Variants in MYNN observed in about 807,000 individuals in gnomAD.
MYNN encodes the protein zinc finger and BTB domain-containing protein 31.
A neutral mutation model predicts 57.2 loss-of-function variants in MYNN; 22 were observed. That is an observed-to-expected ratio of 0.38 (90% CI 0.27 to 0.55). The LOEUF is 0.55. MYNN is among the 20% of genes least tolerant of loss of function. The pLI, the probability that MYNN is intolerant of heterozygous loss-of-function variation, is 0.71. For synonymous variants in MYNN, 241 were observed against 257.1 expected (o/e 0.94, Z 0.60); for missense variants, 566 against 723.1 (o/e 0.78, Z 2.49).
chr3:169,784,547 C>A, intron 6 of MYNN, 75 bp from the exon 7 acceptor site: 1 of 973,580 alleles, frequency 1.0e-6, no homozygotes, highest in Non-Finnish European at 1.6e-6. Flanking sequence ...GCCTTGTGTT[C>A]ATAAACATTG....
chr3:169,778,761 C>T lies in MYNN; in HGVS notation c.267-7C>T, dbSNP rs762924111. ...GAATATTGTCATGTAGCCTTGTTTC[C>T]TTGCAGTTGGAATGTTAAAGAAATT... On this transcript the variant is annotated splice_polypyrimidine_tract_variant and splice_region_variant and intron_variant, in intron 2 of 7. Transcript: ENST00000349841. 1 of 1,576,782 alleles carries T rather than the reference C, an allele frequency of 6.3e-7. No individual in the cohort carries two copies. The highest frequency in any genetic ancestry group is 8.6e-7 in the Non-Finnish European group (1 of 1,165,704).
At chr3:169,778,717 G>A (rs771005530) in intron 2 of MYNN, 51 bp from the exon 3 acceptor site, 47 of 1,473,652 alleles carry the variant, frequency 3.2e-5, no homozygotes, top group East Asian at 1.4e-4. Context: ...GCTCTGTTTC[G>A]AAAGTTTTTC....
intron 2 of MYNN, chr3:169,778,202 C>T (rs555088072): frequency 6.5e-6 from 1 of 152,880 alleles, no homozygotes; most frequent in South Asian, 2.1e-4. Flanking sequence ...CAGAAGAATA[C>T]CCCATCTCAA....
At position 169,786,712 on chromosome 3, in the gene MYNN, T is replaced by C. The variant is rs1446362450; in HGVS notation, c.*34T>C. 5 of 1,588,562 alleles carry C rather than the reference T, an allele frequency of 3.1e-6. No individual in the cohort carries two copies. In the South Asian group the frequency reaches 3.3e-5, roughly 11 times the overall value. The stretch of plus-strand genomic sequence containing the variant: ...GGAATATGGAATTGCTAAGATATCA[T>C]TGGTAGCAAACATCTCTGGTAAGGT... On this transcript the variant is annotated 3_prime_UTR_variant, in exon 8 of 8. Transcript: ENST00000349841.
In MYNN at chr3:169,782,494, G is replaced by A; in HGVS notation, c.1250G>A (p.Cys417Tyr). The A allele has an allele frequency of 6.2e-7, 1 of 1,612,954 alleles. No homozygotes were observed. The highest frequency in any genetic ancestry group is 1.1e-5 in the South Asian group (1 of 90,868). Residue 417 changes from cysteine (C) to tyrosine (Y), a missense_variant, in exon 5 of 8, where the codon TGT (cysteine) becomes TAT (tyrosine). Around this residue, in one of 4 missense-constraint regions of MYNN, gnomAD observed 123 missense variants for 222.6 expected, o/e 0.55. Transcript: ENST00000349841. This position sits in a 1 kb window ranked among gnomAD's most constrained non-coding sequence, Gnocchi z 4.8. ...RKHSGEKPYV[C>Y]DRCGQRFAQA... The stretch of plus-strand genomic sequence containing the variant: ...CATAGTGGAGAGAAGCCATATGTCT[G>A]TGATAGGTGTGGACAGAGATTTGCT...
intron 7 of MYNN, among the ~76,000 whole-genome samples, chr3:169,785,174 C>G (rs566205694): frequency 1.3e-5 from 2 of 151,536 alleles, no homozygotes; most frequent in Non-Finnish European, 3.0e-5. Context: ...AATGGAAAGC[C>G]AAACAACAAG....
In MYNN at chr3:169,784,614, TTTTTCAGGAGAAAGACCA is replaced by T; in HGVS notation, c.1484-4_1497del. On this transcript the variant is annotated splice_acceptor_variant and splice_polypyrimidine_tract_variant and coding_sequence_variant and intron_variant, in exon 7 of 8. Coordinates refer to ENST00000349841, the MANE Select transcript of MYNN (RefSeq NM_018657.5). LOFTEE classifies it high-confidence loss of function. The stretch of plus-strand genomic sequence containing the variant: ...TATTGAAATTTAAACTTCTAATTTG[TTTTTCAGGAGAAAGACCA>T]TTTATCTGCGAATTATGTGGAAATT... The T allele has an allele frequency of 6.6e-7, 1 of 1,515,642 alleles. No individual in the cohort carries two copies. Among genetic ancestry groups the T allele is most frequent in the Non-Finnish European group, 9.0e-7 (1 of 1,117,152 alleles). 93.9% of individuals were successfully genotyped at this position (1,515,642 alleles called of 1,614,324 possible).
At chr3:169,776,523 C>T (rs1014273080) in intron 2 of MYNN, among the ~76,000 whole-genome samples, 1 of 152,052 alleles carries the variant, frequency 6.6e-6, no homozygotes, top group Non-Finnish European at 1.5e-5. Flanking sequence ...AGGCATGTAC[C>T]TGGCAATATG....
rs528412350 is a variant in MYNN at position 169,785,446 on chromosome 3, G to A, written c.1570+738G>A. Among the ~76,000 whole-genome samples, 8 of 152,080 alleles carry A rather than the reference G, an allele frequency of 5.3e-5. No individual in the cohort carries two copies. The East Asian group carries it at 1.4e-3, about 26-fold the overall frequency. On this transcript the variant is annotated intron_variant, in intron 7 of 7. Transcript: ENST00000349841. ...TCAAAGCACTTACAACCTGGTGTGC[G>A]AGACCAGAAACCTAAATAAATAATT...
At chr3:169,784,823 C>T in intron 7 of MYNN, 115 bp downstream of exon 7, 1 of 580,004 alleles carries the variant, frequency 1.7e-6, no homozygotes, top group Non-Finnish European at 2.8e-6. Flanking sequence ...AATTAGATGT[C>T]TATTTCAAAA....
intron 1 of MYNN, chr3:169,774,055 G>A: frequency 2.2e-6 from 1 of 447,274 alleles, no homozygotes; most frequent in Non-Finnish European, 4.0e-6. Context: ...GCCATTCACC[G>A]TCACTTATTG....
In MYNN at chr3:169,773,869, A is replaced by C. The variant is rs183294365; in HGVS notation, c.-31-396A>C. Among the ~76,000 whole-genome samples the C allele has an allele frequency of 3.1e-3, 467 of 152,314 alleles. 1 individual carries two copies. Among genetic ancestry groups the C allele is most frequent in the Non-Finnish European group, 5.2e-3 (351 of 68,024 alleles). On this transcript the variant is annotated intron_variant, in intron 1 of 7. Transcript: ENST00000349841. ...AACTAACAGGTTTTGGTGACTTGAG[A>C]GCAGTTTTTAAAAACTCGTACTGTT...
rs77604843 is a variant in MYNN, at chr3:169,784,718, T to A, written c.1570+10T>A. 6.6e-7 allele frequency: 1 copy of A among 1,518,512 alleles called. No individual in the cohort carries two copies. The highest frequency in any genetic ancestry group is 1.4e-5 in the African/African-American group (1 of 70,950). 94.1% of individuals were successfully genotyped at this position (1,518,512 alleles called of 1,614,324 possible). A position where few individuals can be genotyped will look rare whatever the true frequency, so the allele number is the denominator to read the frequency against. ...ACAAAAGTCCATTCTGGTAAATGCT[T>A]GTGTTTTGTTTGCTTGTTTGTTTGT... is the stretch of plus-strand genomic sequence containing the variant. On this transcript the variant is annotated intron_variant, in intron 7 of 7. Transcript: ENST00000349841.
rs767769266 is a variant in MYNN, at chr3:169,786,544, C to T, written c.1699C>T (p.Pro567Ser). ...PSDMTLPLAL[P>S]LGTEDHHMLL... ...TGATATGACTTTACCATTAGCTCTT[C>T]CACTTGGGACTGAGGACCATCACAT... The change falls in exon 8 of 8, where the codon CCA becomes TCA. Residue 567 changes from proline (P) to serine (S), a missense_variant. Transcript: ENST00000349841. The T allele has an allele frequency of 2.5e-6, 4 of 1,613,598 alleles. No homozygotes were observed. The African/African-American group carries it at 5.3e-5, about 22-fold the overall frequency.
intron 2 of MYNN, chr3:169,778,240 CCCCATCACAGA>C (rs1329165479): frequency 6.5e-5 from 10 of 153,564 alleles, no homozygotes; most frequent in African/African-American, 2.4e-4. Flanking sequence ...GAATCTCAGG[CCCCATCACAGA>C]CCTACTGAAT....
rs1324167707 is a variant in MYNN, at chr3:169,789,004, T to TATTACATATTTTTATGGA, written c.*2328_*2345dup. On this transcript the variant is annotated 3_prime_UTR_variant, in exon 8 of 8. Coordinates refer to ENST00000349841, the MANE Select transcript of MYNN (RefSeq NM_018657.5). ...AAAGGTCTATTAGTAATTATTTAAG[T>TATTACATATTTTTATGGA]ATTACATATTTTTATGGAAGTCTTT... 27 of 152,178 alleles carry TATTACATATTTTTATGGA rather than the reference T, an allele frequency of 1.8e-4. No homozygotes were observed. Among genetic ancestry groups the TATTACATATTTTTATGGA allele is most frequent in the South Asian group, 2.1e-4 (1 of 4,838 alleles). 9.4% of individuals were successfully genotyped at this position (152,178 alleles called of 1,614,324 possible). A position where few individuals can be genotyped will look rare whatever the true frequency, so the allele number is the denominator to read the frequency against.
rs1477072312 is a variant in MYNN, at chr3:169,788,319, G to T, written c.*1641G>T. The T allele has an allele frequency of 6.6e-6, 1 of 152,040 alleles. No individual in the cohort carries two copies. The highest frequency in any genetic ancestry group is 1.5e-5 in the Non-Finnish European group (1 of 67,960). The allele number at this position is 152,040 out of a possible 1,614,324, so 9.4% of individuals were successfully genotyped here. On this transcript the variant is annotated 3_prime_UTR_variant, in exon 8 of 8. Coordinates refer to ENST00000349841, the MANE Select transcript of MYNN (RefSeq NM_018657.5). ...CCTTTGTATGATGCAAACAATATTT[G>T]ATTATTTTATCTAAGAAATCTATGC... is the stretch of plus-strand genomic sequence containing the variant.
At chr3:169,777,774 T>A (rs1778391433) in intron 2 of MYNN, 1 of 152,258 alleles carries the variant, frequency 6.6e-6, no homozygotes, top group African/African-American at 2.4e-5. Flanking sequence ...ACAAGGTGGC[T>A]TAAGTCTTTC....
intron 5 of MYNN, 110 bp from the exon 6 acceptor site, chr3:169,783,367 A>G: frequency 1.6e-6 from 1 of 641,370 alleles, no homozygotes; most frequent in Non-Finnish European, 2.7e-6. Context: ...CAATATAGAG[A>G]GATTTTAATT....
Sources: gnomAD v4.1 joint callset for allele counts (sites outside exome capture counted in the v4.1 genomes callset) on GRCh38, gnomAD v4.1.1 for gene constraint, gnomAD v4.1.1 regional missense constraint, Gnocchi (gnomAD v3.1) non-coding constraint, MANE v1.5 for transcripts, NCBI Gene and HGNC (gene_info 2026-07-23, HGNC 2026-07-21) for gene names.